ABTB3: variants seen among roughly 807,000 people sequenced by gnomAD.
ABTB3 encodes the protein ankyrin repeat- and BTB/POZ domain-containing protein 3.
the ABTB3 span, among the ~76,000 whole-genome samples, chr12:107,329,373 C>T: frequency 5.3e-5 from 8 of 152,080 alleles, no homozygotes; most frequent in Non-Finnish European, 1.2e-4. Context: ...GTAATGGTAG[C>T]GCTCCCTCAT....
chr12:107,325,198 A>C, the ABTB3 span, among the ~76,000 whole-genome samples: 1 of 152,282 alleles, frequency 6.6e-6, no homozygotes, highest in East Asian at 1.9e-4. Context: ...ACAAGCCCTC[A>C]CCTGTCAGCA....
At chr12:107,363,144 G>A in the ABTB3 span, among the ~76,000 whole-genome samples, 3 of 152,224 alleles carry the variant, frequency 2.0e-5, no homozygotes, top group Admixed American at 1.3e-4. Flanking sequence ...GGGTTGAAAT[G>A]GCATGCCCCT....
chr12:107,502,395 C>T, the ABTB3 span, among the ~76,000 whole-genome samples: 1 of 151,900 alleles, frequency 6.6e-6, no homozygotes, highest in African/African-American at 2.4e-5. Context: ...TAAAACTCCC[C>T]ACGTTATTCT....
At chr12:107,343,188 G>GT in the ABTB3 span, among the ~76,000 whole-genome samples, 86 of 151,712 alleles carry the variant, frequency 5.7e-4, 3 homozygotes, top group Admixed American at 9.9e-4. Context: ...CTGTTTTTTT[G>GT]GTTTTTTATA....
chr12:107,521,263 T>TTGTGTGTGTGTGTGTG, the ABTB3 span, among the ~76,000 whole-genome samples: 103 of 142,962 alleles, frequency 7.2e-4, no homozygotes, highest in African/African-American at 2.6e-3. Flanking sequence ...TTCATATAAG[T>TTGTGTGTGTGTGTGTG]TGTGTGTGTG....
chr12:107,498,250 C>T, the ABTB3 span, among the ~76,000 whole-genome samples: 1 of 152,152 alleles, frequency 6.6e-6, no homozygotes, highest in Non-Finnish European at 1.5e-5. Flanking sequence ...AAGGCAAAGG[C>T]CGAGGAAGGT....
At chr12:107,345,550 T>C in the ABTB3 span, among the ~76,000 whole-genome samples, 3 of 151,864 alleles carry the variant, frequency 2.0e-5, no homozygotes, top group Admixed American at 1.3e-4. Flanking sequence ...AGGGACAGGG[T>C]TGGCATCAGG....
chr12:107,488,953 A>C, the ABTB3 span, among the ~76,000 whole-genome samples: 2 of 152,316 alleles, frequency 1.3e-5, no homozygotes, highest in East Asian at 3.9e-4. Flanking sequence ...AACCATCAGC[A>C]CTGGCAATTG....
the ABTB3 span, among the ~76,000 whole-genome samples, chr12:107,578,483 GC>G: frequency 6.8e-6 from 1 of 146,024 alleles, no homozygotes; most frequent in Non-Finnish European, 1.5e-5. Flanking sequence ...AACATGAAAG[GC>G]AGCAGCCCAA....
chr12:107,656,299 A>C, the ABTB3 span, among the ~76,000 whole-genome samples: 9 of 46,376 alleles, frequency 1.9e-4, no homozygotes, highest in African/African-American at 3.7e-4. Flanking sequence ...AGGCTCTGTC[A>C]AAAAAAAAAA....
At chr12:107,588,826 C>T in the ABTB3 span, among the ~76,000 whole-genome samples, 1 of 152,160 alleles carries the variant, frequency 6.6e-6, no homozygotes, top group Non-Finnish European at 1.5e-5. Flanking sequence ...CAGACGGGTT[C>T]CATTTTTTAA....
chr12:107,621,759 C>T, the ABTB3 span, among the ~76,000 whole-genome samples: 1 of 152,198 alleles, frequency 6.6e-6, no homozygotes, highest in Non-Finnish European at 1.5e-5. Flanking sequence ...GGCCGCCACT[C>T]TCCCGACATC....
the ABTB3 span, among the ~76,000 whole-genome samples, chr12:107,610,981 G>C: frequency 1.3e-5 from 2 of 152,152 alleles, no homozygotes; most frequent in Non-Finnish European, 2.9e-5. Flanking sequence ...GGACAGATGG[G>C]GCTGCTTCTC....
chr12:107,621,167 C>T, the ABTB3 span, among the ~76,000 whole-genome samples: 1 of 152,166 alleles, frequency 6.6e-6, no homozygotes, highest in African/African-American at 2.4e-5. Flanking sequence ...AAGCGAGTCC[C>T]ATTAGGTGTT....
the ABTB3 span, among the ~76,000 whole-genome samples, chr12:107,454,139 A>G: frequency 6.6e-6 from 1 of 152,240 alleles, no homozygotes; most frequent in African/African-American, 2.4e-5. Flanking sequence ...TGCTTGTTGA[A>G]TGAGTACATA....
chr12:107,650,934 T>G, the ABTB3 span: 1 of 152,180 alleles, frequency 6.6e-6, no homozygotes, highest in Non-Finnish European at 1.5e-5. Context: ...AAATAAGGAA[T>G]GTACATTTAA....
At chr12:107,413,268 C>T in the ABTB3 span, among the ~76,000 whole-genome samples, 4 of 151,800 alleles carry the variant, frequency 2.6e-5, no homozygotes, top group South Asian at 8.3e-4. Context: ...AGCGAGACTC[C>T]GTCTCAAAAA....
the ABTB3 span, among the ~76,000 whole-genome samples, chr12:107,491,706 G>A: frequency 2.6e-5 from 4 of 151,838 alleles, no homozygotes; most frequent in Admixed American, 6.6e-5. Context: ...GCCTGTAGTC[G>A]CAGCTACCCA....
At chr12:107,476,062 C>A in the ABTB3 span, among the ~76,000 whole-genome samples, 1 of 152,162 alleles carries the variant, frequency 6.6e-6, no homozygotes, top group Non-Finnish European at 1.5e-5. Flanking sequence ...CCCCAGAAGC[C>A]GGGGCCCTGA....
Sources: gnomAD v4.1 joint callset for allele counts (sites outside exome capture counted in the v4.1 genomes callset) on GRCh38, gnomAD v4.1.1 for gene constraint, MANE v1.5 for transcripts, NCBI Gene and HGNC (gene_info 2026-07-23, HGNC 2026-07-21) for gene names.